EMCN: variants seen among roughly 807,000 people sequenced by gnomAD.
EMCN encodes MUC-14.
EMCN carries 37 observed loss-of-function variants against 38.4 expected under a neutral mutation model. The ratio of observed to expected loss-of-function variants is 0.96; its 90% CI spans 0.74 to 1.27. The LOEUF (loss-of-function observed/expected upper bound fraction) is 1.27. Among genes scored for constraint, EMCN ranks in the 50% most tolerant of loss-of-function variants. The pLI is 0.00. For synonymous variants in EMCN, 95 were observed against 100.8 expected (o/e 0.94, Z 0.35); for missense variants, 318 against 302.8 (o/e 1.05, Z -0.37).
At chr4:100,512,639 T>G (rs1729655175) in intron 1 of EMCN, among the ~76,000 whole-genome samples, 1 of 151,970 alleles carries the variant, frequency 6.6e-6, no homozygotes, top group Non-Finnish European at 1.5e-5. Context: ...ACCCTGTCTC[T>G]ACTAAAAATA....
At chr4:100,450,495 T>G (rs974769241) in intron 4 of EMCN, among the ~76,000 whole-genome samples, 1 of 151,978 alleles carries the variant, frequency 6.6e-6, no homozygotes, top group African/African-American at 2.4e-5. Flanking sequence ...ATAATATCAT[T>G]AACAGGTACA....
intron 5 of EMCN, among the ~76,000 whole-genome samples, chr4:100,426,753 T>C (rs1316714966): frequency 1.3e-5 from 2 of 152,142 alleles, no homozygotes; most frequent in East Asian, 1.9e-4. Flanking sequence ...TTTCCATTTT[T>C]TTTGGGAAGC....
At chr4:100,451,337 G>T (rs569022972) in intron 4 of EMCN, among the ~76,000 whole-genome samples, 8 of 151,922 alleles carry the variant, frequency 5.3e-5, no homozygotes, top group African/African-American at 7.2e-5. Flanking sequence ...TCTAGTAGAG[G>T]TCCTTGATGA....
At chr4:100,453,941 C>T (rs371898483) in intron 4 of EMCN, among the ~76,000 whole-genome samples, 5 of 148,910 alleles carry the variant, frequency 3.4e-5, no homozygotes, top group Non-Finnish European at 5.9e-5. Context: ...CCAAACACCG[C>T]GTGTTCTCAC....
chr4:100,438,325 T>A (rs1384761388), intron 5 of EMCN, among the ~76,000 whole-genome samples: 12 of 152,124 alleles, frequency 7.9e-5, no homozygotes, highest in Admixed American at 7.9e-4. Context: ...TATCAGAATG[T>A]AACCCCATGG....
In EMCN at chr4:100,397,350, C is replaced by T. The variant is rs1489985288; in HGVS notation, c.*1063G>A. ...AGTTAGCTTTTAACAGAAGAATTTG[C>T]TCCTGATGGAGTGGCAGCTATAATC... is the stretch of plus-strand genomic sequence containing the variant. On this transcript the variant is annotated 3_prime_UTR_variant, in exon 12 of 12. Transcript: ENST00000296420. 6.6e-6 allele frequency: 1 copy of T among 152,094 alleles called. No homozygotes were observed. The highest frequency in any genetic ancestry group is 1.5e-5 in the Non-Finnish European group (1 of 68,024). The allele number at this position is 152,094 out of a possible 1,614,324, so 9.4% of individuals were successfully genotyped here.
At chr4:100,434,149 G>C (rs1417778126) in intron 5 of EMCN, among the ~76,000 whole-genome samples, 1 of 151,934 alleles carries the variant, frequency 6.6e-6, no homozygotes, top group Non-Finnish European at 1.5e-5. Context: ...AGAAAGGAAA[G>C]AAGTATCAAA....
chr4:100,465,149 T>G (rs1486734836), intron 4 of EMCN, among the ~76,000 whole-genome samples: 1 of 152,182 alleles, frequency 6.6e-6, no homozygotes, highest in Non-Finnish European at 1.5e-5. Context: ...TTGTCTAATT[T>G]TTTGGCTGAG....
intron 5 of EMCN, among the ~76,000 whole-genome samples, chr4:100,427,558 A>T (rs1727085684): frequency 2.7e-5 from 4 of 150,184 alleles, no homozygotes; most frequent in Non-Finnish European, 5.9e-5. Context: ...AAGAGCTGGG[A>T]TTATAGGCAT....
intron 4 of EMCN, among the ~76,000 whole-genome samples, chr4:100,460,025 A>G (rs997959953): frequency 1.3e-5 from 2 of 152,204 alleles, no homozygotes; most frequent in African/African-American, 4.8e-5. Context: ...TGGCTACACT[A>G]TTTTATATTT....
At chr4:100,436,574 C>T (rs1727358522) in intron 5 of EMCN, among the ~76,000 whole-genome samples, 1 of 152,110 alleles carries the variant, frequency 6.6e-6, no homozygotes, top group Non-Finnish European at 1.5e-5. Flanking sequence ...ATGTTCATTG[C>T]AGCACTGTTC....
Position 100,396,317 on chromosome 4 carries a change from A to G in EMCN, c.*2096T>C, listed in dbSNP as rs1726117344. The G allele has an allele frequency of 6.6e-6, 1 of 152,110 alleles. No individual in the cohort carries two copies. Among genetic ancestry groups the G allele is most frequent in the Non-Finnish European group, 1.5e-5 (1 of 68,010 alleles). 9.4% of individuals were successfully genotyped at this position (152,110 alleles called of 1,614,324 possible). A position where few individuals can be genotyped will look rare whatever the true frequency, so the allele number is the denominator to read the frequency against. ...GAATAAATTTTATTCTTTTCTGACC[A>G]TTAAAATTGTTCCCTCTTCCTAATT... On this transcript the variant is annotated 3_prime_UTR_variant, in exon 12 of 12. Transcript: ENST00000296420.
intron 4 of EMCN, among the ~76,000 whole-genome samples, chr4:100,452,010 T>G (rs534223505): frequency 3.0e-4 from 46 of 152,076 alleles, no homozygotes; most frequent in Non-Finnish European, 5.7e-4. Flanking sequence ...TTGTGCTGTT[T>G]TTTGAACGTA....
intron 11 of EMCN, among the ~76,000 whole-genome samples, chr4:100,399,421 G>A (rs1213710032): frequency 6.6e-6 from 1 of 152,082 alleles, no homozygotes; most frequent in African/African-American, 2.4e-5. Flanking sequence ...GGTTGGTGAA[G>A]GCAAGTTCTT....
chr4:100,408,346 G>A (rs1726453695), intron 11 of EMCN, among the ~76,000 whole-genome samples: 1 of 152,090 alleles, frequency 6.6e-6, no homozygotes, highest in Non-Finnish European at 1.5e-5. Flanking sequence ...TCACCTATGT[G>A]GACTGATGTT....
chr4:100,421,349 C>T lies in EMCN; in HGVS notation c.597G>A (p.Leu199=). The T allele has an allele frequency of 1.9e-6, 3 of 1,612,634 alleles. No homozygotes were observed. Among genetic ancestry groups the T allele is most frequent in the Non-Finnish European group, 2.5e-6 (3 of 1,179,012 alleles). The change falls in exon 8 of 12, where the codon TTG becomes TTA. Residue 199 remains leucine, a synonymous_variant. Coordinates refer to ENST00000296420, the MANE Select transcript of EMCN (RefSeq NM_016242.4). ...CAAATACTGAAAGTGTTATTACAAT[C>T]AAAGCAATAACCACCGGCAAAATAA... The part of the protein sequence containing the change: ...SSIILPVVIA[L]IVITLSVFVL...
chr4:100,512,346 A>T (rs567199151), intron 1 of EMCN, among the ~76,000 whole-genome samples: 168 of 152,278 alleles, frequency 1.1e-3, no homozygotes, highest in Admixed American at 3.7e-3. Flanking sequence ...GACACCACTA[A>T]TGTTTCCCAT....
At chr4:100,506,586 C>T (rs1004855417) in intron 1 of EMCN, among the ~76,000 whole-genome samples, 2 of 151,866 alleles carry the variant, frequency 1.3e-5, no homozygotes, top group East Asian at 1.9e-4. Flanking sequence ...AAAAAAAACC[C>T]TGAAAATACA....
intron 1 of EMCN, among the ~76,000 whole-genome samples, chr4:100,482,948 G>C (rs1448378042): frequency 6.6e-6 from 1 of 152,102 alleles, no homozygotes; most frequent in African/African-American, 2.4e-5. Context: ...GTAAGATTGA[G>C]ATGTACTGTA....
Sources: allele counts gnomAD v4.1 joint callset (sites outside exome capture counted in the v4.1 genomes callset), GRCh38; gene constraint gnomAD v4.1.1; transcripts MANE v1.5; gene names NCBI Gene and HGNC (gene_info 2026-07-23, HGNC 2026-07-21).